ZNF207: variants seen among roughly 807,000 people sequenced by gnomAD.
The protein encoded by ZNF207 is zinc finger protein 207.
ZNF207 carries 24 observed loss-of-function variants against 60.2 expected under a neutral mutation model. The observed-to-expected ratio is 0.40, with a 90% CI of 0.29 to 0.56. The LOEUF (loss-of-function observed/expected upper bound fraction) is 0.56, where lower values mean the gene tolerates loss of function less well. ZNF207 is among the 20% of genes least tolerant of loss of function. ZNF207 has a pLI of 0.49. For synonymous variants in ZNF207, 236 were observed against 194.7 expected (o/e 1.21, Z -1.77); for missense variants, 452 against 636.6 (o/e 0.71, Z 3.12).
intron 3 of ZNF207, among the ~76,000 whole-genome samples, chr17:32,360,177 C>CCT (rs1555606152): frequency 1.8e-5 from 1 of 56,526 alleles, no homozygotes; most frequent in Non-Finnish European, 3.5e-5. Flanking sequence ...CTCACCTTTA[C>CCT]CCCCCCCCCA....
chr17:32,356,711 T>A (rs937520633), intron 2 of ZNF207, among the ~76,000 whole-genome samples: 1 of 152,176 alleles, frequency 6.6e-6, no homozygotes, highest in African/African-American at 2.4e-5. Context: ...CTTGATAGTC[T>A]AGGCAAAATA....
rs748314663 is a variant in ZNF207, at chr17:32,350,175, G to A, written c.-111G>A. 4 of 1,536,584 alleles carry A rather than the reference G, an allele frequency of 2.6e-6. No individual in the cohort carries two copies. The highest frequency in any genetic ancestry group is 1.7e-5 in the Admixed American group (1 of 58,852). On this transcript the variant is annotated 5_prime_UTR_variant, in exon 1 of 12. Transcript: ENST00000394670. ...CGAGGCCGTCGGCCATTTTGTGTCT[G>A]CTTCCTGTGGGACGTGGTGGTAGCC...
rs1461543963 is a variant in ZNF207, at chr17:32,358,508, T to C, written c.174T>C (p.His58=). 6.5e-7 allele frequency: 1 copy of C among 1,549,056 alleles called. No homozygotes were observed. Among genetic ancestry groups the C allele is most frequent in the African/African-American group, 1.4e-5 (1 of 70,426 alleles). The stretch of plus-strand genomic sequence containing the variant: ...ATGGAAATTGTTGTTGTTAGGTACA[T>C]AAAGAAACAATAGATGCCGTACCAA... ...PGLAIHCMQV[H]KETIDAVPNA... is the part of the protein sequence containing the mutation. Residue 58 remains histidine (H), a synonymous_variant, in exon 3 of 12, where the codon CAT becomes CAC. Coordinates refer to ENST00000394670, the MANE Select transcript of ZNF207 (RefSeq NM_001098507.2).
chr17:32,357,309 C>G (rs1904561235), intron 2 of ZNF207, among the ~76,000 whole-genome samples: 1 of 133,988 alleles, frequency 7.5e-6, no homozygotes, highest in Non-Finnish European at 1.5e-5. Flanking sequence ...ATTTGCTATT[C>G]TAATTATTAT....
At chr17:32,362,133 T>A (rs908092694) in intron 6 of ZNF207, among the ~76,000 whole-genome samples, 299 of 37,924 alleles carry the variant, frequency 7.9e-3, no homozygotes, top group Non-Finnish European at 0.013. Context: ...AAAAAAAAAG[T>A]GTGTGTGTGT....
chr17:32,357,113 C>T (rs923381101), intron 2 of ZNF207, among the ~76,000 whole-genome samples: 3 of 150,438 alleles, frequency 2.0e-5, no homozygotes, highest in African/African-American at 7.3e-5. Flanking sequence ...GCTTGGGAGG[C>T]GGAGGTTGCA....
In ZNF207 at chr17:32,365,448, G is replaced by T; in HGVS notation, c.789G>T (p.Gln263His). 1 of 1,614,094 alleles carries T rather than the reference G, an allele frequency of 6.2e-7. No individual in the cohort carries two copies. The highest frequency in any genetic ancestry group is 8.5e-7 in the Non-Finnish European group (1 of 1,180,020). The change falls in exon 8 of 12, where the codon CAG (glutamine) becomes CAT (histidine). Residue 263 changes from glutamine (Q) to histidine (H), a missense_variant. Coordinates refer to ENST00000394670, the MANE Select transcript of ZNF207 (RefSeq NM_001098507.2). ...CAACAGCAACTGTACCTGCCCCACAGCCTCCAGTTACTAAGCCTCTTTTCC... is the reference window on the plus strand; with the variant it reads ...CAACAGCAACTGTACCTGCCCCACATCCTCCAGTTACTAAGCCTCTTTTCC... Reference protein sequence around the residue: ...PAPTATVPAPQPPVTKPLFPS... With the variant: ...PAPTATVPAPHPPVTKPLFPS...
chr17:32,358,517 A>G lies in ZNF207; in HGVS notation c.183A>G (p.Thr61=). 6.4e-7 allele frequency: 1 copy of G among 1,560,112 alleles called. No individual in the cohort carries two copies. The highest frequency in any genetic ancestry group is 8.6e-7 in the Non-Finnish European group (1 of 1,162,298). The part of the protein sequence containing the change: ...AIHCMQVHKE[T]IDAVPNAIPG... ...GTTGTTGTTAGGTACATAAAGAAACAATAGATGCCGTACCAAATGCAATAC... is the reference window on the plus strand; with the variant it reads ...GTTGTTGTTAGGTACATAAAGAAACGATAGATGCCGTACCAAATGCAATAC... Residue 61 remains threonine, a synonymous_variant, in exon 3 of 12, where the codon ACA becomes ACG. Transcript: ENST00000394670.
chr17:32,364,575 G>C (rs190817019), intron 7 of ZNF207, among the ~76,000 whole-genome samples: 1 of 151,722 alleles, frequency 6.6e-6, no homozygotes, highest in Non-Finnish European at 1.5e-5. Context: ...GGTCAGGCTG[G>C]TCTCGAACTC....
chr17:32,366,669 G>A lies in ZNF207; in HGVS notation c.833G>A (p.Gly278Glu). 1 of 1,604,192 alleles carries A rather than the reference G, an allele frequency of 6.2e-7. No homozygotes were observed. The highest frequency in any genetic ancestry group is 8.5e-7 in the Non-Finnish European group (1 of 1,176,658). Residue 278 changes from glycine (G) to glutamate (E), a missense_variant, in exon 9 of 12, where the codon GGG becomes GAG. Coordinates refer to ENST00000394670, the MANE Select transcript of ZNF207 (RefSeq NM_001098507.2). ...TTCCTTTCTTTTATGCTACAGATGG[G>A]GACACCTGTCACAAGCTCAAGTACA... ...KPLFPSAGQMGTPVTSSSTAS... is the reference protein window; with the variant it reads ...KPLFPSAGQMETPVTSSSTAS...
Position 32,381,881 on chromosome 17 carries a change from A to G in ZNF207, c.*12122A>G, listed in dbSNP as rs1287663388. ...AGATGAATAAAATCTTTCATTTATT[A>G]TTTATGATACTTGTCTGAGCCCATT... is the stretch of plus-strand genomic sequence containing the variant. On this transcript the variant is annotated 3_prime_UTR_variant, in exon 12 of 12. Transcript: ENST00000394670. 2 of 152,204 alleles carry G rather than the reference A, an allele frequency of 1.3e-5. No individual in the cohort carries two copies. The highest frequency in any genetic ancestry group is 2.9e-5 in the Non-Finnish European group (2 of 68,020). The allele number at this position is 152,204 out of a possible 1,614,324, so 9.4% of individuals were successfully genotyped here. A position where few individuals can be genotyped will look rare whatever the true frequency, so the allele number is the denominator to read the frequency against.
Position 32,370,882 on chromosome 17 carries a change from G to C in ZNF207, c.*1123G>C, listed in dbSNP as rs536526106. The C allele has an allele frequency of 6.6e-6, 1 of 152,286 alleles. No homozygotes were observed. The highest frequency in any genetic ancestry group is 1.9e-4 in the East Asian group (1 of 5,188). 9.4% of individuals were successfully genotyped at this position (152,286 alleles called of 1,614,324 possible). A position where few individuals can be genotyped will look rare whatever the true frequency, so the allele number is the denominator to read the frequency against. The stretch of plus-strand genomic sequence containing the variant: ...AGTGTAATGCTGAGAATCTAAATGT[G>C]TCTCTGTTGGGATGGTTAACAGATG... On this transcript the variant is annotated 3_prime_UTR_variant, in exon 12 of 12. Coordinates refer to ENST00000394670, the MANE Select transcript of ZNF207 (RefSeq NM_001098507.2).
chr17:32,367,399 GATTA>G (rs1246468247), intron 9 of ZNF207, among the ~76,000 whole-genome samples: 2 of 150,170 alleles, frequency 1.3e-5, no homozygotes, highest in East Asian at 3.9e-4. Context: ...CTGTTTGATA[GATTA>G]ATAACTAATT....
Position 32,370,514 on chromosome 17 carries a change from CTG to C in ZNF207, c.*756_*757del, listed in dbSNP as rs1905419708. On this transcript the variant is annotated 3_prime_UTR_variant, in exon 12 of 12. Coordinates refer to ENST00000394670, the MANE Select transcript of ZNF207 (RefSeq NM_001098507.2). ...TTATTTCTTAGCTGCATGTTTTAAA[CTG>C]AATTTGCATAGAGTTGTATGTTAAT... 6.6e-6 allele frequency: 1 copy of C among 152,198 alleles called. No homozygotes were observed. Among genetic ancestry groups the C allele is most frequent in the African/African-American group, 2.4e-5 (1 of 41,428 alleles). 9.4% of individuals were successfully genotyped at this position (152,198 alleles called of 1,614,324 possible). A position where few individuals can be genotyped will look rare whatever the true frequency, so the allele number is the denominator to read the frequency against.
rs1905804797 is a variant in ZNF207, at chr17:32,379,609, C to T, written c.*9850C>T. On this transcript the variant is annotated 3_prime_UTR_variant, in exon 12 of 12. Coordinates refer to ENST00000394670, the MANE Select transcript of ZNF207 (RefSeq NM_001098507.2). Reference sequence around the variant, plus strand: ...GAACTTCATTCTGTTCTTGTTGAAGCTGTTGTTGTGGTGATTCATGAGCAG... The same window carrying T: ...GAACTTCATTCTGTTCTTGTTGAAGTTGTTGTTGTGGTGATTCATGAGCAG... 6.6e-6 allele frequency: 1 copy of T among 152,016 alleles called. No individual in the cohort carries two copies. Among genetic ancestry groups the T allele is most frequent in the Non-Finnish European group, 1.5e-5 (1 of 67,978 alleles). 9.4% of individuals were successfully genotyped at this position (152,016 alleles called of 1,614,324 possible). A position where few individuals can be genotyped will look rare whatever the true frequency, so the allele number is the denominator to read the frequency against.
At chr17:32,365,069 G>A (rs1167535455) in intron 7 of ZNF207, among the ~76,000 whole-genome samples, 3 of 152,212 alleles carry the variant, frequency 2.0e-5, no homozygotes, top group Non-Finnish European at 2.9e-5. Context: ...TGCTAAATCA[G>A]TAGGACCAGT....
chr17:32,354,972 C>T (rs1428566141), intron 2 of ZNF207, among the ~76,000 whole-genome samples: 4 of 152,096 alleles, frequency 2.6e-5, no homozygotes, highest in African/African-American at 9.7e-5. Flanking sequence ...GTGCAGAGTA[C>T]GGTGAGACCA....
chr17:32,369,504 G>A (rs766963631), intron 11 of ZNF207, 50 bp downstream of exon 11: 27 of 1,603,250 alleles, frequency 1.7e-5, no homozygotes, highest in Middle Eastern at 3.3e-4. Context: ...CTAAGTTCAC[G>A]CATAAAATAT....
At chr17:32,369,199 A>G in intron 10 of ZNF207, 96 bp from the exon 11 acceptor site, 1 of 1,423,482 alleles carries the variant, frequency 7.0e-7, no homozygotes. Context: ...ATTTTTGAAA[A>G]TTACTCTTAA....
Sources: allele counts gnomAD v4.1 joint callset (sites outside exome capture counted in the v4.1 genomes callset), GRCh38; gene constraint gnomAD v4.1.1; transcripts MANE v1.5; gene names NCBI Gene and HGNC (gene_info 2026-07-23, HGNC 2026-07-21).